Variants in MYT1L observed in about 807,000 individuals in gnomAD.
MYT1L encodes myelin transcription factor 1-like protein.
Under a neutral mutation model 126.7 loss-of-function variants are expected in MYT1L, and 12 were observed. The observed-to-expected ratio is 0.09, with a 90% confidence interval of 0.06 to 0.15. MYT1L has a LOEUF of 0.15. Among genes scored for constraint, MYT1L ranks in the 10% least tolerant of loss-of-function variants. The pLI, the probability that MYT1L is intolerant of heterozygous loss-of-function variation, is 1.00. For missense variants in MYT1L, 979 were observed against 1,585.2 expected (o/e 0.62, Z 6.49); for synonymous variants, 541 against 604.2 (o/e 0.90, Z 1.53).
At chr2:1,993,789 T>C (rs571075434) in intron 5 of MYT1L, among the ~76,000 whole-genome samples, 2 of 152,340 alleles carry the variant, frequency 1.3e-5, no homozygotes, top group South Asian at 4.1e-4. Flanking sequence ...GAAGCGCTGG[T>C]CACCTTTAAT....
At chr2:1,884,948 G>T (rs1343351252) in intron 18 of MYT1L, among the ~76,000 whole-genome samples, 1 of 152,226 alleles carries the variant, frequency 6.6e-6, no homozygotes, top group Non-Finnish European at 1.5e-5. Context: ...ACAGCAAGTT[G>T]GCTCGGAATT....
intron 3 of MYT1L, among the ~76,000 whole-genome samples, chr2:2,160,380 C>G (rs1036117869): frequency 3.9e-5 from 6 of 152,058 alleles, no homozygotes; most frequent in Admixed American, 2.6e-4. Context: ...ATAATAGAAA[C>G]CAAATGGTTG....
chr2:2,073,671 C>T (rs888985603), intron 3 of MYT1L, among the ~76,000 whole-genome samples: 6 of 152,170 alleles, frequency 3.9e-5, no homozygotes, highest in South Asian at 4.1e-4. Flanking sequence ...GTATCTTGGA[C>T]GTTGTATGTC....
intron 4 of MYT1L, among the ~76,000 whole-genome samples, chr2:2,028,399 C>A (rs569383735): frequency 6.6e-6 from 1 of 152,230 alleles, no homozygotes; most frequent in Admixed American, 6.5e-5. Flanking sequence ...ATTGAAGGGA[C>A]TGAATAGTAG....
At position 1,873,046 on chromosome 2, in the gene MYT1L, T is replaced by G. The variant is rs13419193; in HGVS notation, c.2711+13493A>C. ...AATCACTGCCCCAGCTCCTGCCTCC[T>G]GCCTTGGCCTTTGCAGAGGGGCCAT... is the stretch of plus-strand genomic sequence containing the variant. On this transcript the variant is annotated intron_variant, in intron 18 of 24. Coordinates refer to ENST00000647738, the MANE Select transcript of MYT1L (RefSeq NM_001303052.2). Among the ~76,000 whole-genome samples the G allele has an allele frequency of 5.8e-3, 889 of 152,298 alleles. 14 individuals are homozygous for G. The highest frequency in any genetic ancestry group is 0.02 in the African/African-American group (852 of 41,580).
At chr2:2,253,126 GA>G (rs1228246759) in intron 2 of MYT1L, among the ~76,000 whole-genome samples, 3 of 150,378 alleles carry the variant, frequency 2.0e-5, no homozygotes, top group African/African-American at 2.4e-5. Context: ...CTTTGAAAAA[GA>G]AAAAAAGAAT....
In MYT1L at chr2:1,848,494, A is replaced by C. The variant is rs969215400; in HGVS notation, c.2774+3147T>G. 6.6e-6 allele frequency among the ~76,000 whole-genome samples: 1 copy of C among 152,140 alleles called. No individual in the cohort carries two copies. The highest frequency in any genetic ancestry group is 1.5e-5 in the Non-Finnish European group (1 of 68,036). ...TACAGGAGGAGGATGCCTTGAACCC[A>C]CACAACTACCTTGAATTGTGGCATA... On this transcript the variant is annotated intron_variant, in intron 19 of 24. Coordinates refer to ENST00000647738, the MANE Select transcript of MYT1L (RefSeq NM_001303052.2). The surrounding 1 kb of genome is among the most constrained non-coding windows in gnomAD (Gnocchi z 4.8).
chr2:2,139,457 T>TA (rs546511770), intron 3 of MYT1L, among the ~76,000 whole-genome samples: 254 of 147,676 alleles, frequency 1.7e-3, no homozygotes, highest in Non-Finnish European at 2.3e-3. Context: ...CTGTTTCTAC[T>TA]AAAAAAAAAA....
rs1558341055 is a variant in MYT1L, at chr2:1,903,950, C to CAT, written c.1818-657_1818-656insAT. On this transcript the variant is annotated intron_variant, in intron 13 of 24. Coordinates refer to ENST00000647738, the MANE Select transcript of MYT1L (RefSeq NM_001303052.2). The stretch of plus-strand genomic sequence containing the variant: ...TCGTGTGTGTGTGTGTGTGTGTGTG[C>CAT]GCGTGCGCGCGTGTGTGTGTCCACC... 1.8e-4 allele frequency among the ~76,000 whole-genome samples: 26 copies of CAT among 146,890 alleles called. No individual in the cohort carries two copies. The East Asian group carries it at 3.7e-3, about 21-fold the overall frequency.
chr2:2,300,135 T>C (rs1284620497), intron 1 of MYT1L, among the ~76,000 whole-genome samples: 2 of 152,230 alleles, frequency 1.3e-5, no homozygotes, highest in Non-Finnish European at 2.9e-5. Context: ...GTCTTCTTTG[T>C]GCCTAATGAT....
chr2:2,020,934 A>T (rs2064964934), intron 4 of MYT1L, among the ~76,000 whole-genome samples: 1 of 152,236 alleles, frequency 6.6e-6, no homozygotes, highest in Non-Finnish European at 1.5e-5. Context: ...GCCTCTGAGC[A>T]GCTCCTTCCA....
At position 2,080,711 on chromosome 2, in the gene MYT1L, T is replaced by C. The variant is rs538543384; in HGVS notation, c.-303-26588A>G. Among the ~76,000 whole-genome samples, 196 of 152,196 alleles carry C rather than the reference T, an allele frequency of 1.3e-3. 4 individuals are homozygous for C. In the South Asian group the frequency reaches 0.04, roughly 31 times the overall value. On this transcript the variant is annotated intron_variant, in intron 3 of 24. Coordinates refer to ENST00000647738, the MANE Select transcript of MYT1L (RefSeq NM_001303052.2). ...AAGAAAAGAAAGGAACAAATGTTGGTGAGGATGTGGAGAAACTGGAACTCT... is the reference window on the plus strand; with the variant it reads ...AAGAAAAGAAAGGAACAAATGTTGGCGAGGATGTGGAGAAACTGGAACTCT...
At chr2:2,275,497 CT>C (rs1176662299) in intron 2 of MYT1L, among the ~76,000 whole-genome samples, 1 of 151,978 alleles carries the variant, frequency 6.6e-6, no homozygotes, top group Admixed American at 6.6e-5. Context: ...GATTTGGATG[CT>C]GTTGAATGAG....
intron 2 of MYT1L, among the ~76,000 whole-genome samples, chr2:2,200,568 C>T (rs2093022864): frequency 6.6e-6 from 1 of 152,220 alleles, no homozygotes. Flanking sequence ...TTAATCCCCT[C>T]TGCAAAATCC....
chr2:1,988,049 A>T (rs1207654534), intron 5 of MYT1L, among the ~76,000 whole-genome samples: 1 of 152,166 alleles, frequency 6.6e-6, no homozygotes, highest in Non-Finnish European at 1.5e-5. Flanking sequence ...GTTTCCATAG[A>T]CTTTGCACAT....
intron 2 of MYT1L, among the ~76,000 whole-genome samples, chr2:2,261,163 G>C (rs1218324542): frequency 6.6e-6 from 1 of 151,942 alleles, no homozygotes; most frequent in Non-Finnish European, 1.5e-5. Flanking sequence ...GTGTGTGTGT[G>C]TGTGTATGTG....
intron 9 of MYT1L, among the ~76,000 whole-genome samples, chr2:1,927,483 G>A (rs2054389493): frequency 6.6e-6 from 1 of 152,282 alleles, no homozygotes; most frequent in East Asian, 1.9e-4. Flanking sequence ...CTAGAGTCTG[G>A]TAGAGTCAGA....
At chr2:1,800,515 C>G (rs1438959765) in intron 23 of MYT1L, among the ~76,000 whole-genome samples, 1 of 152,086 alleles carries the variant, frequency 6.6e-6, no homozygotes, top group East Asian at 1.9e-4. Context: ...ATCCTTGGTA[C>G]TCACGGGGGG....
At chr2:1,942,292 A>G (rs367944347) in intron 9 of MYT1L, among the ~76,000 whole-genome samples, 1 of 152,214 alleles carries the variant, frequency 6.6e-6, no homozygotes, top group Non-Finnish European at 1.5e-5. Flanking sequence ...AACACTGGAC[A>G]TGAAAGCCAT....
Sources: allele counts gnomAD v4.1 joint callset (sites outside exome capture counted in the v4.1 genomes callset), GRCh38; gene constraint gnomAD v4.1.1; non-coding constraint Gnocchi (gnomAD v3.1); transcripts MANE v1.5; gene names NCBI Gene and HGNC (gene_info 2026-07-23, HGNC 2026-07-21).